The following CSMD1 variants were observed in gnomAD, a reference collection of about 807,000 sequenced individuals.
CSMD1 encodes the protein CUB and Sushi multiple domains 1.
In CSMD1, 213 loss-of-function variants were observed where a neutral mutation model predicts 417.5. The observed-to-expected ratio is 0.51, with a 90% confidence interval of 0.46 to 0.57. The LOEUF (loss-of-function observed/expected upper bound fraction) is 0.57. CSMD1 is among the 20% of genes least tolerant of loss of function. The pLI, the probability that CSMD1 is intolerant of heterozygous loss-of-function variation, is 0.00. For synonymous variants in CSMD1, 2,862 were observed against 1,736.8 expected (o/e 1.65, Z -16.11); for missense variants, 6,923 against 4,529.7 (o/e 1.53, Z -15.17).
chr8:3,031,857 AC>A (rs1810360272), intron 50 of CSMD1, among the ~76,000 whole-genome samples: 1 of 112,910 alleles, frequency 8.9e-6, no homozygotes, highest in Non-Finnish European at 1.9e-5. Context: ...TTATTTGCTC[AC>A]ATCTCTCTTT....
At chr8:3,898,182 A>C (rs1807493787) in intron 5 of CSMD1, among the ~76,000 whole-genome samples, 2 of 152,184 alleles carry the variant, frequency 1.3e-5, no homozygotes, top group Admixed American at 1.3e-4. Flanking sequence ...CCTGCAAGCC[A>C]TCCAGCAACA....
At chr8:3,561,928 G>A (rs567079984) in intron 10 of CSMD1, among the ~76,000 whole-genome samples, 6 of 152,156 alleles carry the variant, frequency 3.9e-5, no homozygotes, top group South Asian at 2.1e-4. Flanking sequence ...AGCGAGGGAT[G>A]CAGATGATCT....
At chr8:3,296,288 G>A (rs2117310666) in intron 25 of CSMD1, among the ~76,000 whole-genome samples, 1 of 151,804 alleles carries the variant, frequency 6.6e-6, no homozygotes, top group East Asian at 2.0e-4. Flanking sequence ...CAGCCAAGCA[G>A]AAGCCCCACG....
At chr8:4,426,693 TTATTA>T (rs1226553925) in intron 2 of CSMD1, among the ~76,000 whole-genome samples, 1 of 147,202 alleles carries the variant, frequency 6.8e-6, no homozygotes, top group African/African-American at 2.5e-5. Flanking sequence ...AGTAATATTT[TTATTA>T]TATAATGCAG....
At chr8:4,760,138 C>A (rs1811947757) in intron 1 of CSMD1, among the ~76,000 whole-genome samples, 1 of 152,160 alleles carries the variant, frequency 6.6e-6, no homozygotes. Context: ...CTTAATGGCT[C>A]ACACAGGATG....
rs114578272 is a variant in CSMD1 at position 3,869,014 on chromosome 8, T to G, written c.819-114972A>C. 6.8e-3 allele frequency among the ~76,000 whole-genome samples: 1,038 copies of G among 152,338 alleles called. 9 individuals carry two copies. The highest frequency in any genetic ancestry group is 0.022 in the African/African-American group (899 of 41,580). ...CGATGGCTTTCCAGCTCTCTCGAAG[T>G]AACAGCTGCAAGCATATTTACAGTG... On this transcript the variant is annotated intron_variant, in intron 5 of 69. Transcript: ENST00000635120.
chr8:3,966,377 G>C (rs562553883), intron 5 of CSMD1, among the ~76,000 whole-genome samples: 7 of 152,176 alleles, frequency 4.6e-5, no homozygotes, highest in African/African-American at 9.6e-5. Context: ...TCCAAGTCTT[G>C]CGTCTTGAAA....
chr8:4,814,511 C>A (rs150064665), intron 1 of CSMD1, among the ~76,000 whole-genome samples: 2 of 152,064 alleles, frequency 1.3e-5, no homozygotes, highest in Non-Finnish European at 2.9e-5. Flanking sequence ...CCTCCCAAAG[C>A]GCTGGGATTA....
chr8:3,397,078 G>A (rs1424044493), intron 16 of CSMD1, among the ~76,000 whole-genome samples: 1 of 151,958 alleles, frequency 6.6e-6, no homozygotes, highest in Non-Finnish European at 1.5e-5. Context: ...ATATAAAGTT[G>A]CAGCCACTTG....
At chr8:3,867,705 T>C (rs1035101612) in intron 5 of CSMD1, among the ~76,000 whole-genome samples, 17 of 152,160 alleles carry the variant, frequency 1.1e-4, no homozygotes, top group Non-Finnish European at 2.5e-4. Flanking sequence ...ACTTAACTCA[T>C]GCAGTTGTTA....
chr8:3,922,799 T>C (rs1465784319), intron 5 of CSMD1, among the ~76,000 whole-genome samples: 1 of 152,166 alleles, frequency 6.6e-6, no homozygotes, highest in Non-Finnish European at 1.5e-5. Context: ...TAAAACTTTT[T>C]AATTGATGAA....
At chr8:3,502,476 G>C (rs1015870652) in intron 10 of CSMD1, among the ~76,000 whole-genome samples, 1 of 151,982 alleles carries the variant, frequency 6.6e-6, no homozygotes, top group Admixed American at 6.6e-5. Context: ...ATGTCCTTCA[G>C]CAGGTGAATG....
chr8:3,927,622 G>T (rs1334354388), intron 5 of CSMD1, among the ~76,000 whole-genome samples: 24 of 149,584 alleles, frequency 1.6e-4, no homozygotes, highest in African/African-American at 5.3e-4. Flanking sequence ...CCGACATCAC[G>T]CCACTGAACT....
intron 52 of CSMD1, among the ~76,000 whole-genome samples, chr8:3,000,744 G>C (rs1585123211): frequency 6.6e-6 from 1 of 152,178 alleles, no homozygotes; most frequent in East Asian, 1.9e-4. Flanking sequence ...CGTGGACTTG[G>C]GACAACAGGA....
chr8:3,540,020 C>T (rs779745200), intron 10 of CSMD1, among the ~76,000 whole-genome samples: 1 of 152,288 alleles, frequency 6.6e-6, no homozygotes, highest in Admixed American at 6.5e-5. Context: ...AACAGGGCTG[C>T]TTCTGTTGTG....
chr8:4,525,678 A>G (rs1796477086), intron 2 of CSMD1, among the ~76,000 whole-genome samples: 1 of 152,148 alleles, frequency 6.6e-6, no homozygotes, highest in African/African-American at 2.4e-5. Flanking sequence ...TTTTGCACCA[A>G]CCTAAAAAAT....
intron 2 of CSMD1, among the ~76,000 whole-genome samples, chr8:4,569,004 G>C (rs1347028325): frequency 6.6e-6 from 1 of 151,988 alleles, no homozygotes; most frequent in Non-Finnish European, 1.5e-5. Context: ...TATAAATTCT[G>C]GATATTAGAT....
chr8:4,129,103 A>G (rs573249002), intron 3 of CSMD1, among the ~76,000 whole-genome samples: 17 of 151,976 alleles, frequency 1.1e-4, no homozygotes, highest in Admixed American at 3.3e-4. Flanking sequence ...CAAAACAAAA[A>G]AAACAGAATT....
chr8:3,882,081 T>C (rs1585134456), intron 5 of CSMD1, among the ~76,000 whole-genome samples: 1 of 152,284 alleles, frequency 6.6e-6, no homozygotes, highest in East Asian at 1.9e-4. Context: ...CTAAACATAT[T>C]AAATTTAAGA....
Sources: allele counts gnomAD v4.1 joint callset (sites outside exome capture counted in the v4.1 genomes callset), GRCh38; gene constraint gnomAD v4.1.1; transcripts MANE v1.5; gene names NCBI Gene and HGNC (gene_info 2026-07-23, HGNC 2026-07-21).